Variants in TEX9 observed in about 807,000 individuals in gnomAD.
TEX9 encodes the protein testis expressed 9.
A neutral mutation model predicts 59.6 loss-of-function variants in TEX9; 74 were observed. The observed-to-expected ratio is 1.24, with a 90% CI of 1.03 to 1.51. The LOEUF (loss-of-function observed/expected upper bound fraction) is 1.51, where lower values mean the gene tolerates loss of function less well. Ranked by LOEUF, TEX9 falls within the 40% of genes most tolerant of loss-of-function variation. The pLI is 0.00. For synonymous variants in TEX9, 186 were observed against 152.2 expected (o/e 1.22, Z -1.64); for missense variants, 522 against 447.8 (o/e 1.17, Z -1.49).
intron 9 of TEX9, among the ~76,000 whole-genome samples, chr15:56,403,569 T>C (rs1201005170): frequency 1.3e-5 from 2 of 152,236 alleles, no homozygotes; most frequent in South Asian, 2.1e-4. Flanking sequence ...AGGTAATTTA[T>C]AGATTCAATG....
chr15:56,300,723 G>C (rs1462301138), intron 1 of TEX9, among the ~76,000 whole-genome samples: 1 of 150,292 alleles, frequency 6.7e-6, no homozygotes, highest in African/African-American at 2.5e-5. Context: ...GAGAGAGAGA[G>C]AGAGAGAGAG....
intron 1 of TEX9, among the ~76,000 whole-genome samples, chr15:56,306,822 T>C (rs1183044266): frequency 2.0e-5 from 3 of 152,224 alleles, no homozygotes; most frequent in African/African-American, 7.2e-5. Flanking sequence ...GATGTGATTA[T>C]TATGCATTGC....
At chr15:56,408,726 A>G (rs1406603714) in intron 9 of TEX9, 7 of 150,372 alleles carry the variant, frequency 4.7e-5, no homozygotes, top group South Asian at 2.1e-4. Flanking sequence ...CTGTTTTCCT[A>G]TATCCAGATC....
At chr15:56,428,652 A>T (rs1596245033) in intron 12 of TEX9, 1 of 422,702 alleles carries the variant, frequency 2.4e-6, no homozygotes, top group East Asian at 3.5e-5. Context: ...ACAATTAAGC[A>T]CATCAGATAA....
chr15:56,284,492 A>T (rs1320247927), intron 1 of TEX9, among the ~76,000 whole-genome samples: 1 of 152,138 alleles, frequency 6.6e-6, no homozygotes, highest in African/African-American at 2.4e-5. Flanking sequence ...TGCCTGTGTT[A>T]TATAATATTA....
chr15:56,439,184 C>G (rs549950411), intron 12 of TEX9, among the ~76,000 whole-genome samples: 1 of 152,064 alleles, frequency 6.6e-6, no homozygotes, highest in Non-Finnish European at 1.5e-5. Context: ...TTTACGATTG[C>G]TCAAAAAATG....
At chr15:56,249,742 C>CAAAAAAAAAAAA (rs11440856) in intron 1 of TEX9, among the ~76,000 whole-genome samples, 2 of 25,474 alleles carry the variant, frequency 7.9e-5, no homozygotes, top group Non-Finnish European at 1.5e-4. Context: ...GGATCTGTCT[C>CAAAAAAAAAAAA]AAAAAAAAAA....
At chr15:56,284,522 A>G (rs1457425050) in intron 1 of TEX9, among the ~76,000 whole-genome samples, 2 of 152,004 alleles carry the variant, frequency 1.3e-5, no homozygotes, top group East Asian at 1.9e-4. Context: ...AGGAATATAA[A>G]CTATATTAAA....
intron 6 of TEX9, among the ~76,000 whole-genome samples, chr15:56,390,185 A>G (rs2048141074): frequency 6.6e-6 from 1 of 151,982 alleles, no homozygotes; most frequent in African/African-American, 2.4e-5. Context: ...TGCCACATAC[A>G]TGCATATATA....
intron 12 of TEX9, among the ~76,000 whole-genome samples, chr15:56,441,021 A>C (rs763179163): frequency 1.3e-5 from 2 of 152,148 alleles, no homozygotes; most frequent in Non-Finnish European, 2.9e-5. Context: ...TATGCATTTA[A>C]AGATATAAAC....
chr15:56,446,729 A>G (rs2050907034), downstream of TEX9: 3 of 720,778 alleles, frequency 4.2e-6, no homozygotes, highest in Non-Finnish European at 6.6e-6. Context: ...ACAAATATTT[A>G]AGAAATCTAG....
chr15:56,300,708 GGA>G (rs60361737), intron 1 of TEX9, among the ~76,000 whole-genome samples: 14,263 of 102,276 alleles, frequency 0.14, 870 homozygotes, highest in Middle Eastern at 0.18. Flanking sequence ...AGAGAGAGAG[GGA>G]GAGAGAGAGA....
chr15:56,449,525 G>C (rs1403723741), downstream of TEX9, among the ~76,000 whole-genome samples: 1 of 152,168 alleles, frequency 6.6e-6, no homozygotes, highest in Non-Finnish European at 1.5e-5. Context: ...GATTACAGGA[G>C]CTAAATTCAT....
chr15:56,409,374 A>G lies in TEX9; in HGVS notation c.829-2928A>G, dbSNP rs865878526. Among the ~76,000 whole-genome samples the G allele has an allele frequency of 2.6e-5, 4 of 152,238 alleles. No individual in the cohort carries two copies. The South Asian group carries it at 6.2e-4, about 24-fold the overall frequency. On this transcript the variant is annotated intron_variant, in intron 9 of 12. Transcript: ENST00000352903. ...CTTATCAAAACCTAACACTGTGCCT[A>G]TGTCACTCGGCTGAAACCACACTGA... is the stretch of plus-strand genomic sequence containing the variant.
chr15:56,328,268 A>G (rs1240538984), intron 1 of TEX9, among the ~76,000 whole-genome samples: 1 of 152,068 alleles, frequency 6.6e-6, no homozygotes. Flanking sequence ...CAAGGGAAGC[A>G]CTTGTTCCTG....
chr15:56,414,875 C>T (rs957646107), intron 10 of TEX9, among the ~76,000 whole-genome samples: 4 of 151,726 alleles, frequency 2.6e-5, no homozygotes, highest in Non-Finnish European at 5.9e-5. Context: ...TAAGTGTTCC[C>T]TTTTCTCTGC....
chr15:56,431,532 G>C (rs1162512616), intron 12 of TEX9: 2 of 1,610,826 alleles, frequency 1.2e-6, no homozygotes, highest in Admixed American at 1.7e-5. Flanking sequence ...TTATCACAAA[G>C]TACATTAATC....
At chr15:56,273,432 C>T (rs990060368) in intron 1 of TEX9, among the ~76,000 whole-genome samples, 1 of 152,220 alleles carries the variant, frequency 6.6e-6, no homozygotes, top group Admixed American at 6.5e-5. Context: ...CAATTCCTCC[C>T]TCCAATCTGT....
At chr15:56,441,974 C>G (rs761897011) in intron 12 of TEX9, among the ~76,000 whole-genome samples, 1 of 152,016 alleles carries the variant, frequency 6.6e-6, no homozygotes, top group Non-Finnish European at 1.5e-5. Context: ...GAGCCGAGAT[C>G]ACGCCACTGC....
Sources: gnomAD v4.1 joint callset for allele counts (sites outside exome capture counted in the v4.1 genomes callset) on GRCh38, gnomAD v4.1.1 for gene constraint, MANE v1.5 for transcripts, NCBI Gene and HGNC (gene_info 2026-07-23, HGNC 2026-07-21) for gene names.